UPF2: variants seen among roughly 807,000 people sequenced by gnomAD.
UPF2 encodes the protein regulator of nonsense transcripts 2.
A neutral mutation model predicts 141.4 loss-of-function variants in UPF2; 17 were observed. The ratio of observed to expected loss-of-function variants is 0.12; its 90% CI spans 0.08 to 0.18. The LOEUF (loss-of-function observed/expected upper bound fraction) is 0.18. UPF2 is among the 10% of genes least tolerant of loss of function. UPF2 has a pLI of 1.00. For missense variants in UPF2, 1,152 were observed against 1,515.9 expected (o/e 0.76, Z 3.99); for synonymous variants, 540 against 498.0 (o/e 1.08, Z -1.12).
intron 21 of UPF2, among the ~76,000 whole-genome samples, chr10:11,924,817 A>C (rs756732805): frequency 6.6e-6 from 1 of 152,042 alleles, no homozygotes; most frequent in Non-Finnish European, 1.5e-5. Flanking sequence ...AACATTACTA[A>C]TATTAATAAC....
chr10:12,000,055 A>T (rs1172133957), intron 6 of UPF2, 46 bp from the exon 7 acceptor site: 1 of 1,469,062 alleles, frequency 6.8e-7, no homozygotes, highest in South Asian at 1.2e-5. Context: ...AAAAGAGAAC[A>T]CAGAATAAAA....
rs1485282644 is a variant in UPF2, at chr10:11,931,796, A to G, written c.3547-14T>C. ...AAGGATCTTAAACTGGGAGAAAATA[A>G]CAAAGGAGTTACAAATAGTTTGAGA... On this transcript the variant is annotated splice_polypyrimidine_tract_variant and intron_variant, in intron 19 of 21. Transcript: ENST00000357604. This position sits in a 1 kb window ranked among gnomAD's most constrained non-coding sequence, Gnocchi z 5.9. The G allele has an allele frequency of 5.7e-6, 9 of 1,584,740 alleles. No individual in the cohort carries two copies. Among genetic ancestry groups the G allele is most frequent in the Non-Finnish European group, 7.7e-6 (9 of 1,172,850 alleles).
At chr10:12,007,790 C>T (rs1588566128) in intron 4 of UPF2, among the ~76,000 whole-genome samples, 1 of 151,002 alleles carries the variant, frequency 6.6e-6, no homozygotes, top group East Asian at 1.9e-4. Flanking sequence ...GTGAACGCGC[C>T]ACTGCACTCC....
At position 11,956,245 on chromosome 10, in the gene UPF2, G is replaced by A. The variant is rs894326087; in HGVS notation, c.2574+75C>T. On this transcript the variant is annotated intron_variant, in intron 13 of 21. Transcript: ENST00000357604. This position sits in a 1 kb window ranked among gnomAD's most constrained non-coding sequence, Gnocchi z 4.2. ...AAATTTACAGATTCCTATAACTTGA[G>A]TCTCAATAGTAACCTAGAAATAATA... 4 of 1,336,318 alleles carry A rather than the reference G, an allele frequency of 3.0e-6. No homozygotes were observed. Among genetic ancestry groups the A allele is most frequent in the Non-Finnish European group, 4.3e-6 (4 of 938,118 alleles). 82.8% of individuals were successfully genotyped at this position (1,336,318 alleles called of 1,614,324 possible).
intron 2 of UPF2, among the ~76,000 whole-genome samples, chr10:12,031,786 C>T (rs994638795): frequency 3.3e-5 from 5 of 152,002 alleles, no homozygotes; most frequent in Non-Finnish European, 4.4e-5. Flanking sequence ...AAAAGTTATA[C>T]GCATATCTAT....
Position 11,940,541 on chromosome 10 carries a change from T to C in UPF2, c.3378+2124A>G, listed in dbSNP as rs150321818. Reference sequence around the variant, plus strand: ...ACGGCCAAAGGGAAACTTTTGCTCATTGGTCCCTTGTTTCCTGTCCCAGAG... The same window carrying C: ...ACGGCCAAAGGGAAACTTTTGCTCACTGGTCCCTTGTTTCCTGTCCCAGAG... On this transcript the variant is annotated intron_variant, in intron 18 of 21. Coordinates refer to ENST00000357604, the MANE Select transcript of UPF2 (RefSeq NM_015542.4). The surrounding 1 kb of genome is among the most constrained non-coding windows in gnomAD (Gnocchi z 4.2). 1.6e-3 allele frequency among the ~76,000 whole-genome samples: 244 copies of C among 152,324 alleles called. 1 individual carries two copies. The highest frequency in any genetic ancestry group is 5.4e-3 in the African/African-American group (225 of 41,552).
At chr10:11,951,092 C>T (rs1335583901) in intron 15 of UPF2, among the ~76,000 whole-genome samples, 1 of 152,024 alleles carries the variant, frequency 6.6e-6, no homozygotes, top group Non-Finnish European at 1.5e-5. Flanking sequence ...GATGGAGTTT[C>T]GCTCTTGTTA....
At chr10:12,005,301 G>A (rs1407275569) in intron 4 of UPF2, among the ~76,000 whole-genome samples, 1 of 152,128 alleles carries the variant, frequency 6.6e-6, no homozygotes, top group East Asian at 1.9e-4. Flanking sequence ...GTTTTAAAGA[G>A]AGTTTATTCA....
At chr10:11,966,591 A>G (rs865996277) in intron 10 of UPF2, among the ~76,000 whole-genome samples, 3 of 151,980 alleles carry the variant, frequency 2.0e-5, no homozygotes, top group African/African-American at 7.2e-5. Context: ...TGCCTGGCTA[A>G]TTTTGTATTT....
At chr10:11,970,793 CAG>C in intron 9 of UPF2, among the ~76,000 whole-genome samples, 1 of 152,056 alleles carries the variant, frequency 6.6e-6, no homozygotes, top group South Asian at 2.1e-4. Flanking sequence ...GCCCGGGCGA[CAG>C]AGTGAGACTC....
chr10:12,021,183 T>A (rs1263803865), intron 3 of UPF2, among the ~76,000 whole-genome samples: 1 of 152,174 alleles, frequency 6.6e-6, no homozygotes, highest in African/African-American at 2.4e-5. Flanking sequence ...CCCTTTGTTT[T>A]ACCATCTTCA....
chr10:12,004,502 A>T, intron 5 of UPF2, 28 bp downstream of exon 5: 1 of 1,557,170 alleles, frequency 6.4e-7, no homozygotes, highest in South Asian at 1.2e-5. Flanking sequence ...ATAGCACTTA[A>T]TGTAAATATT....
intron 8 of UPF2, among the ~76,000 whole-genome samples, chr10:11,986,834 A>T (rs1291862617): frequency 2.0e-5 from 3 of 152,222 alleles, no homozygotes; most frequent in African/African-American, 7.2e-5. Flanking sequence ...ACATTCTCTC[A>T]CAGTTCCAAA....
chr10:11,995,152 T>C (rs1588558977), intron 8 of UPF2, among the ~76,000 whole-genome samples: 1 of 152,134 alleles, frequency 6.6e-6, no homozygotes, highest in Non-Finnish European at 1.5e-5. Flanking sequence ...TCATAGAGGA[T>C]AGCTCTTGTT....
At position 11,939,449 on chromosome 10, in the gene UPF2, T is replaced by A. The variant is rs1360464074; in HGVS notation, c.3379-2737A>T. Among the ~76,000 whole-genome samples, 1 of 152,206 alleles carries A rather than the reference T, an allele frequency of 6.6e-6. No individual in the cohort carries two copies. The highest frequency in any genetic ancestry group is 2.1e-4 in the South Asian group (1 of 4,836). On this transcript the variant is annotated intron_variant, in intron 18 of 21. Transcript: ENST00000357604. The surrounding 1 kb of genome is among the most constrained non-coding windows in gnomAD (Gnocchi z 4.8). ...AAACGGTCATGTTTTGGGTCTATTT[T>A]GGATTCTTCTCCATTTCATTAATCT... is the stretch of plus-strand genomic sequence containing the variant.
intron 5 of UPF2, 113 bp downstream of exon 5, chr10:12,004,417 A>G: frequency 1.3e-6 from 1 of 774,132 alleles, no homozygotes; most frequent in African/African-American, 1.7e-5. Context: ...TAATGACTCA[A>G]TGTTCATATT....
At chr10:12,001,937 T>A in intron 5 of UPF2, 112 bp from the exon 6 acceptor site, 1 of 959,226 alleles carries the variant, frequency 1.0e-6, no homozygotes. Flanking sequence ...GCTGCATGTA[T>A]ACCTGGCAAC....
chr10:11,987,892 C>T (rs913001268), intron 8 of UPF2, among the ~76,000 whole-genome samples: 1 of 150,212 alleles, frequency 6.7e-6, no homozygotes, highest in Non-Finnish European at 1.5e-5. Flanking sequence ...TCAGATCAAA[C>T]CTTTAAGAAC....
intron 2 of UPF2, among the ~76,000 whole-genome samples, chr10:12,033,179 G>A (rs1834559507): frequency 6.6e-6 from 1 of 152,196 alleles, no homozygotes; most frequent in Non-Finnish European, 1.5e-5. Context: ...TGTAGTGGGA[G>A]GATCGCTTGA....
Sources: allele counts gnomAD v4.1 joint callset (sites outside exome capture counted in the v4.1 genomes callset), GRCh38; gene constraint gnomAD v4.1.1; non-coding constraint Gnocchi (gnomAD v3.1); transcripts MANE v1.5; gene names NCBI Gene and HGNC (gene_info 2026-07-23, HGNC 2026-07-21).